Variants in GRHL1 observed in about 807,000 individuals in gnomAD.
The protein encoded by GRHL1 is grainyhead-like protein 1 homolog.
GRHL1 carries 38 observed loss-of-function variants against 75.7 expected under a neutral mutation model. The observed-to-expected ratio is 0.50, with a 90% CI of 0.39 to 0.66. The LOEUF (loss-of-function observed/expected upper bound fraction) is 0.66. Among genes scored for constraint, GRHL1 ranks in the 30% least tolerant of loss-of-function variants. GRHL1 has a pLI of 0.00. For synonymous variants in GRHL1, 266 were observed against 279.4 expected, an observed-to-expected ratio of 0.95 and a Z score of 0.48; for missense variants, 589 against 767.5, an observed-to-expected ratio of 0.77 and a Z score of 2.75.
intron 8 of GRHL1, among the ~76,000 whole-genome samples, chr2:9,967,717 T>C (rs1328938308): frequency 1.3e-5 from 2 of 152,208 alleles, no homozygotes; most frequent in African/African-American, 4.8e-5. Context: ...TGATGTTTTC[T>C]GTTTTTATTC....
At chr2:9,959,751 A>C (rs541607810) in intron 3 of GRHL1, 1 of 152,330 alleles carries the variant, frequency 6.6e-6, no homozygotes, top group Non-Finnish European at 1.5e-5. Flanking sequence ...TTCAACTTTG[A>C]GATTAATTCA....
Position 9,992,536 on chromosome 2 carries a change from C to CT in GRHL1, c.1461+394dup, listed in dbSNP as rs1668687344. ...CTTATAACATAAGAACATCCGAAGG[C>CT]TTTTCTCACAGTTCCAGTTACTGAG... On this transcript the variant is annotated intron_variant, in intron 11 of 15. Coordinates refer to ENST00000324907, the MANE Select transcript of GRHL1 (RefSeq NM_198182.3). The surrounding 1 kb of genome is among the most constrained non-coding windows in gnomAD (Gnocchi z 4.6). 6.6e-6 allele frequency among the ~76,000 whole-genome samples: 1 copy of CT among 152,164 alleles called. No homozygotes were observed. Among genetic ancestry groups the CT allele is most frequent in the African/African-American group, 2.4e-5 (1 of 41,440 alleles).
At chr2:9,988,630 C>T (rs1668520982) in intron 9 of GRHL1, among the ~76,000 whole-genome samples, 3 of 152,096 alleles carry the variant, frequency 2.0e-5, no homozygotes. Flanking sequence ...CTCCTCAAAC[C>T]TGGGCACCTG....
chr2:9,960,104 G>A (rs1357511546), intron 3 of GRHL1: 1 of 152,186 alleles, frequency 6.6e-6, no homozygotes, highest in Non-Finnish European at 1.5e-5. Flanking sequence ...AAAAGCAGAT[G>A]TGTCTACTGA....
chr2:9,994,229 T>G (rs779887544), intron 12 of GRHL1, among the ~76,000 whole-genome samples: 2 of 152,036 alleles, frequency 1.3e-5, no homozygotes, highest in Non-Finnish European at 2.9e-5. Flanking sequence ...ACTGCAGCCT[T>G]GAGCTTCTGG....
intron 2 of GRHL1, among the ~76,000 whole-genome samples, chr2:9,957,874 C>A (rs904873049): frequency 6.6e-6 from 1 of 152,154 alleles, no homozygotes; most frequent in African/African-American, 2.4e-5. Flanking sequence ...TTTTCACTTC[C>A]CTTGCAAAGA....
At chr2:9,960,176 T>C (rs148986647) in intron 3 of GRHL1, 29,828 of 152,220 alleles carry the variant, frequency 0.2, 4,149 homozygotes, top group African/African-American at 0.4. Flanking sequence ...CAGTGGCTCA[T>C]GCCTGTAATC....
At chr2:9,989,386 G>T (rs1668547863) in intron 9 of GRHL1, among the ~76,000 whole-genome samples, 1 of 152,132 alleles carries the variant, frequency 6.6e-6, no homozygotes, top group Non-Finnish European at 1.5e-5. Flanking sequence ...ATGATTAAAT[G>T]TAATGTTTTT....
rs1391114878 is a variant in GRHL1 at position 9,992,026 on chromosome 2, A to G, written c.1341A>G (p.Pro447=). Residue 447 remains proline (P), a synonymous_variant, in exon 11 of 16, where the codon CCA becomes CCG. Transcript: ENST00000324907. This position sits in a 1 kb window ranked among gnomAD's most constrained non-coding sequence, Gnocchi z 4.6. The part of the protein sequence containing the change: ...SKRKVSDVKV[P]LLPSHKRMDI... ...TTTCAGTTTCTGATGTTAAAGTGCC[A>G]CTGCTTCCCTCTCACAAGCGAATGG... The G allele has an allele frequency of 6.2e-7, 1 of 1,603,228 alleles. No homozygotes were observed. The highest frequency in any genetic ancestry group is 1.7e-5 in the Admixed American group (1 of 58,798).
chr2:9,995,783 A>C, intron 12 of GRHL1, 96 bp from the exon 13 acceptor site: 2 of 726,258 alleles, frequency 2.8e-6, no homozygotes, highest in Non-Finnish European at 4.9e-6. Context: ...AATGAAAGTC[A>C]TTTTAAATCT....
At chr2:9,980,531 G>T (rs1000249529) in intron 8 of GRHL1, among the ~76,000 whole-genome samples, 3 of 152,118 alleles carry the variant, frequency 2.0e-5, no homozygotes, top group Admixed American at 2.0e-4. Flanking sequence ...AAGGAATCTT[G>T]TAGAGCACCT....
intron 10 of GRHL1, among the ~76,000 whole-genome samples, chr2:9,991,719 A>T (rs923499211): frequency 3.3e-5 from 5 of 152,230 alleles, no homozygotes; most frequent in Non-Finnish European, 5.9e-5. Context: ...AAAACTAAAT[A>T]CGCTCTGCCT....
chr2:9,953,113 C>T (rs1230012106), intron 1 of GRHL1: 1 of 456,420 alleles, frequency 2.2e-6, no homozygotes, highest in Admixed American at 2.4e-5. Context: ...TTTTCCAAAG[C>T]TAACATTTTG....
In GRHL1 at chr2:10,001,413, T is replaced by C. The variant is rs1572404184; in HGVS notation, c.*706T>C. 1 of 152,514 alleles carries C rather than the reference T, an allele frequency of 6.6e-6. No individual in the cohort carries two copies. Among genetic ancestry groups the C allele is most frequent in the Non-Finnish European group, 1.5e-5 (1 of 68,044 alleles). 9.4% of individuals were successfully genotyped at this position (152,514 alleles called of 1,614,324 possible). ...TGTAAATGTGTACATACATGTCTTA[T>C]ATAAATATATAATATATAAATATGG... On this transcript the variant is annotated 3_prime_UTR_variant, in exon 16 of 16. Coordinates refer to ENST00000324907, the MANE Select transcript of GRHL1 (RefSeq NM_198182.3).
intron 14 of GRHL1, among the ~76,000 whole-genome samples, chr2:9,997,937 C>T (rs1668945169): frequency 6.6e-6 from 1 of 152,168 alleles, no homozygotes; most frequent in South Asian, 2.1e-4. Context: ...TCATGGCTCA[C>T]GAGGAACTCA....
At chr2:9,995,004 T>A (rs1368602099) in intron 12 of GRHL1, among the ~76,000 whole-genome samples, 1 of 152,138 alleles carries the variant, frequency 6.6e-6, no homozygotes, top group Non-Finnish European at 1.5e-5. Flanking sequence ...CCACACACTT[T>A]GGGTACCAAC....
chr2:9,988,058 T>C (rs1668497771), intron 9 of GRHL1, among the ~76,000 whole-genome samples: 3 of 152,118 alleles, frequency 2.0e-5, no homozygotes. Context: ...CTGAGGCCTT[T>C]TTTGGATTTT....
chr2:9,961,339 A>G lies in GRHL1; in HGVS notation c.572A>G (p.Asn191Ser), dbSNP rs16867256. ...GTGGTGGTTTTCGATCGGAATCTCA[A>G]TACTGACCAGTTCAGCTCTGGTGCT... is the stretch of plus-strand genomic sequence containing the variant. ...ERVVVFDRNLNTDQFSSGAQA... is the reference protein window; with the variant it reads ...ERVVVFDRNLSTDQFSSGAQA... The change falls in exon 4 of 16, where the codon AAT becomes AGT. Residue 191 changes from asparagine to serine, a missense_variant. This residue lies in a region of GRHL1 where 362 missense variants were observed against 461.8 expected (regional missense o/e 0.78). Transcript: ENST00000324907. 216,762 of 1,613,912 alleles carry G rather than the reference A, an allele frequency of 0.13. 18,082 individuals carry two copies. Among genetic ancestry groups the G allele is most frequent in the African/African-American group, 0.4 (29,652 of 74,912 alleles).
At position 9,961,262 on chromosome 2, in the gene GRHL1, C is replaced by G; in HGVS notation, c.495C>G (p.Gly165=). The G allele has an allele frequency of 1.2e-6, 2 of 1,614,200 alleles. No individual in the cohort carries two copies. Among genetic ancestry groups the G allele is most frequent in the Non-Finnish European group, 1.7e-6 (2 of 1,180,018 alleles). ...TCAAGACAGAAACCCAGCCACATGG[C>G]TTCGCTGTGGGAATCCCCCCAGCAG... ...HSIKTETQPH[G]FAVGIPPAVY... is the part of the protein sequence containing the mutation. The change falls in exon 4 of 16, where the codon GGC becomes GGG. Residue 165 remains glycine (G), a synonymous_variant. Transcript: ENST00000324907.
Sources: gnomAD v4.1 joint callset for allele counts (sites outside exome capture counted in the v4.1 genomes callset) on GRCh38, gnomAD v4.1.1 for gene constraint, gnomAD v4.1.1 regional missense constraint, Gnocchi (gnomAD v3.1) non-coding constraint, MANE v1.5 for transcripts, NCBI Gene and HGNC (gene_info 2026-07-23, HGNC 2026-07-21) for gene names.